Variants in ALDH18A1 observed in about 807,000 individuals in gnomAD.
ALDH18A1 encodes delta-1-pyrroline-5-carboxylate synthase.
ALDH18A1 carries 44 observed loss-of-function variants against 88.8 expected under a neutral mutation model. The observed-to-expected ratio is 0.50, with a 90% CI of 0.39 to 0.64. The LOEUF (loss-of-function observed/expected upper bound fraction) is 0.64. ALDH18A1 is among the 30% of genes least tolerant of loss of function. The pLI is 0.00. For missense variants in ALDH18A1, 782 were observed against 1,009.5 expected (o/e 0.77, Z 3.05); for synonymous variants, 331 against 372.1 (o/e 0.89, Z 1.27).
At chr10:95,621,307 C>T (rs1191619646) in intron 11 of ALDH18A1, 56 bp from the exon 12 acceptor site, 11 of 1,375,866 alleles carry the variant, frequency 8.0e-6, no homozygotes, top group East Asian at 2.4e-5. Context: ...GCTACAGCTA[C>T]CAACCGATGT....
At chr10:95,614,234 T>G in intron 13 of ALDH18A1, 73 bp from the exon 14 acceptor site, 5 of 1,468,172 alleles carry the variant, frequency 3.4e-6, no homozygotes, top group Non-Finnish European at 4.7e-6. Context: ...AGCTTCCCTT[T>G]TACAGATAAA....
At chr10:95,618,971 C>T (rs1283730564) in intron 12 of ALDH18A1, among the ~76,000 whole-genome samples, 1 of 152,092 alleles carries the variant, frequency 6.6e-6, no homozygotes, top group African/African-American at 2.4e-5. Flanking sequence ...GAATCAAGAA[C>T]GTATATTACC....
In ALDH18A1 at chr10:95,606,459, G is replaced by A; in HGVS notation, c.*303C>T. Reference sequence around the variant, plus strand: ...CACTGAGGTGACACAAAGCAGCCATGGGTTTTCCTCGCCTTTTTTATGGGG... The same window carrying A: ...CACTGAGGTGACACAAAGCAGCCATAGGTTTTCCTCGCCTTTTTTATGGGG... On this transcript the variant is annotated 3_prime_UTR_variant, in exon 18 of 18. Transcript: ENST00000371224. The A allele has an allele frequency of 1.6e-6, 2 of 1,239,696 alleles. No individual in the cohort carries two copies. The highest frequency in any genetic ancestry group is 2.0e-6 in the Non-Finnish European group (2 of 979,818). 76.8% of individuals were successfully genotyped at this position (1,239,696 alleles called of 1,614,324 possible).
intron 1 of ALDH18A1, among the ~76,000 whole-genome samples, chr10:95,656,122 G>A (rs1040051403): frequency 6.6e-6 from 1 of 152,140 alleles, no homozygotes; most frequent in Non-Finnish European, 1.5e-5. Context: ...GGGCCGCGGG[G>A]AACTAGGGAC....
chr10:95,621,897 T>C (rs1033531375), intron 11 of ALDH18A1, among the ~76,000 whole-genome samples: 3 of 152,156 alleles, frequency 2.0e-5, no homozygotes, highest in African/African-American at 7.2e-5. Context: ...GGTTTATAAT[T>C]CAGTTATTAT....
Position 95,621,135 on chromosome 10 carries a change from A to C in ALDH18A1, c.1363T>G (p.Leu455Val), listed in dbSNP as rs753823851. 2 of 1,614,022 alleles carry C rather than the reference A, an allele frequency of 1.2e-6. No individual in the cohort carries two copies. The highest frequency in any genetic ancestry group is 2.2e-5 in the South Asian group (2 of 91,076). Residue 455 changes from leucine to valine, a missense_variant, in exon 12 of 18, where the codon TTG (leucine) becomes GTG (valine). Leu to Val is a conservative substitution (Grantham distance 32). This residue lies in a region of ALDH18A1 where 556 missense variants were observed against 654.5 expected (regional missense o/e 0.85). Transcript: ENST00000371224. ...TTTTTGGCGATTCGGGTGCGGCGCA[A>C]AACACGTCCCACGCTGTCCTGGGAG... Reference protein sequence around the residue: ...ASSQDSVGRVLRRTRIAKNLE... With the variant: ...ASSQDSVGRVVRRTRIAKNLE...
At chr10:95,610,355 C>T (rs2097831597) in intron 16 of ALDH18A1, 63 bp from the exon 17 acceptor site, 3 of 1,525,608 alleles carry the variant, frequency 2.0e-6, no homozygotes, top group Non-Finnish European at 2.7e-6. Flanking sequence ...CTGTTTCCAG[C>T]CATTGACTGG....
chr10:95,611,007 G>T (rs1426073953), intron 16 of ALDH18A1, among the ~76,000 whole-genome samples: 1 of 152,218 alleles, frequency 6.6e-6, no homozygotes, highest in Non-Finnish European at 1.5e-5. Flanking sequence ...CGCATTAAAT[G>T]ATAGTGCCTC....
At chr10:95,622,696 C>T (rs559708473) in intron 11 of ALDH18A1, among the ~76,000 whole-genome samples, 12 of 152,108 alleles carry the variant, frequency 7.9e-5, no homozygotes, top group South Asian at 4.1e-4. Flanking sequence ...CGCCACCACA[C>T]CCGGCTAATT....
chr10:95,631,685 G>A (rs2097869828), intron 7 of ALDH18A1, among the ~76,000 whole-genome samples: 1 of 149,538 alleles, frequency 6.7e-6, no homozygotes, highest in East Asian at 2.0e-4. Flanking sequence ...GGAGGTTGCG[G>A]TGAGCCGATA....
In ALDH18A1 at chr10:95,633,056, T is replaced by G. The variant is rs1230591674; in HGVS notation, c.718-7A>C. ...TATCTTTAACACTAATAACCTAGAA[T>G]GCAGATTAAAAAGTCATAAGTGAGT... On this transcript the variant is annotated splice_region_variant and splice_polypyrimidine_tract_variant and intron_variant, in intron 6 of 17. Coordinates refer to ENST00000371224, the MANE Select transcript of ALDH18A1 (RefSeq NM_002860.4). The G allele has an allele frequency of 1.2e-6, 2 of 1,612,592 alleles. No homozygotes were observed. Among genetic ancestry groups the G allele is most frequent in the Non-Finnish European group, 1.7e-6 (2 of 1,178,612 alleles).
intron 17 of ALDH18A1, among the ~76,000 whole-genome samples, 178 bp from the exon 18 acceptor site, chr10:95,607,121 T>C (rs1307416517): frequency 6.6e-6 from 1 of 152,236 alleles, no homozygotes; most frequent in Non-Finnish European, 1.5e-5. Flanking sequence ...CTTCGATTAC[T>C]ACAAATCATG....
At chr10:95,638,670 C>T (rs1250747274) in intron 3 of ALDH18A1, among the ~76,000 whole-genome samples, 1 of 152,148 alleles carries the variant, frequency 6.6e-6, no homozygotes, top group Non-Finnish European at 1.5e-5. Context: ...GGGGCACATG[C>T]TGACCTTGTT....
rs914403045 is a variant in ALDH18A1, at chr10:95,616,500, C to T, written c.1582G>A (p.Gly528Arg). ...LLTQEALSIHGVKEAVQLVNT... is the reference protein window; with the variant it reads ...LLTQEALSIHRVKEAVQLVNT... Reference sequence around the variant, plus strand: ...ACCAGTTGCACGGCCTCCTTGACTCCATGGATTGAGAGAGCCTCCTGGGTC... The same window carrying T: ...ACCAGTTGCACGGCCTCCTTGACTCTATGGATTGAGAGAGCCTCCTGGGTC... Residue 528 changes from glycine (G) to arginine (R), a missense_variant, in exon 13 of 18, where the codon GGA becomes AGA. This residue lies in a region of ALDH18A1 where 556 missense variants were observed against 654.5 expected (regional missense o/e 0.85). Transcript: ENST00000371224. The T allele has an allele frequency of 4.5e-6, 7 of 1,571,886 alleles. No individual in the cohort carries two copies. Among genetic ancestry groups the T allele is most frequent in the Non-Finnish European group, 4.3e-6 (5 of 1,157,454 alleles).
chr10:95,639,890 A>G (rs1394064648), intron 3 of ALDH18A1, among the ~76,000 whole-genome samples: 1 of 149,406 alleles, frequency 6.7e-6, no homozygotes, highest in African/African-American at 2.4e-5. Context: ...TGCTCTTTGT[A>G]TACCCTATAA....
rs2097837158 is a variant in ALDH18A1, at chr10:95,612,606, C to T, written c.1923+1136G>A. 2.0e-5 allele frequency among the ~76,000 whole-genome samples: 3 copies of T among 152,184 alleles called. No individual in the cohort carries two copies. In the South Asian group the frequency reaches 6.2e-4, roughly 32 times the overall value. On this transcript the variant is annotated intron_variant, in intron 15 of 17. Transcript: ENST00000371224. ...TCCTTCTAGCTTTACTTTCTGCCAT[C>T]CAAAAGTGCTGTATGAAGTACACAC... is the stretch of plus-strand genomic sequence containing the variant.
rs956130182 is a variant in ALDH18A1 at position 95,632,253 on chromosome 10, T to C, written c.808+706A>G. Reference sequence around the variant, plus strand: ...GGTAGAAGTGGGGAGTGACTGCTAATGGTTATGGAATTTCTTATTTGGGTG... The same window carrying C: ...GGTAGAAGTGGGGAGTGACTGCTAACGGTTATGGAATTTCTTATTTGGGTG... On this transcript the variant is annotated intron_variant, in intron 7 of 17. Coordinates refer to ENST00000371224, the MANE Select transcript of ALDH18A1 (RefSeq NM_002860.4). Among the ~76,000 whole-genome samples the C allele has an allele frequency of 2.6e-5, 4 of 152,302 alleles. No individual in the cohort carries two copies. In the South Asian group the frequency reaches 8.3e-4, roughly 32 times the overall value.
chr10:95,611,177 G>A (rs1269719661), intron 16 of ALDH18A1, 79 bp downstream of exon 16: 2 of 1,563,484 alleles, frequency 1.3e-6, no homozygotes, highest in African/African-American at 2.7e-5. Context: ...TTTTTCTGCA[G>A]CCCAAGGGGG....
chr10:95,608,712 G>T (rs2097827422), intron 17 of ALDH18A1, among the ~76,000 whole-genome samples: 1 of 152,150 alleles, frequency 6.6e-6, no homozygotes, highest in Non-Finnish European at 1.5e-5. Flanking sequence ...CGTTGCCCAG[G>T]CTGGTCTCGA....
Sources: gnomAD v4.1 joint callset for allele counts (sites outside exome capture counted in the v4.1 genomes callset) on GRCh38, gnomAD v4.1.1 for gene constraint, gnomAD v4.1.1 regional missense constraint, MANE v1.5 for transcripts, NCBI Gene and HGNC (gene_info 2026-07-23, HGNC 2026-07-21) for gene names.